Variants in SCOC observed in about 807,000 individuals in gnomAD.
SCOC encodes the protein short coiled coil protein.
In SCOC, 7 loss-of-function variants were observed where a neutral mutation model predicts 9.9. The ratio of observed to expected loss-of-function variants is 0.71; its 90% confidence interval spans 0.40 to 1.33. SCOC has a LOEUF of 1.33. Ranked by LOEUF, SCOC falls within the 40% of genes most tolerant of loss-of-function variation. The pLI, the probability that SCOC is intolerant of heterozygous loss-of-function variation, is 0.01. For synonymous variants in SCOC, 19 were observed against 28.2 expected, an observed-to-expected ratio of 0.67 and a Z score of 1.03; for missense variants, 66 against 89.7, an observed-to-expected ratio of 0.74 and a Z score of 1.07.
intron 1 of SCOC, among the ~76,000 whole-genome samples, chr4:140,277,988 C>T (rs184795012): frequency 6.6e-6 from 1 of 152,342 alleles, no homozygotes; most frequent in Admixed American, 6.5e-5. Context: ...AAGCTTGAAA[C>T]ATTTGCAGTT....
chr4:140,278,877 A>C, intron 1 of SCOC, among the ~76,000 whole-genome samples: 2 of 118,294 alleles, frequency 1.7e-5, no homozygotes, highest in Non-Finnish European at 1.7e-5. Flanking sequence ...CCCCAACCCC[A>C]TCTGTTCTTC....
intron 2 of SCOC, chr4:140,366,652 T>C (rs1247417969): frequency 6.2e-7 from 1 of 1,602,970 alleles, no homozygotes; most frequent in South Asian, 1.1e-5. Flanking sequence ...GACATACTTC[T>C]GGTGGGCTCT....
intron 2 of SCOC, chr4:140,366,788 C>T (rs1025996415): frequency 7.5e-6 from 10 of 1,327,160 alleles, no homozygotes; most frequent in Non-Finnish European, 1.1e-5. Context: ...ACAGTTGCAA[C>T]CAATTTTCTG....
At chr4:140,302,069 A>G in intron 1 of SCOC, among the ~76,000 whole-genome samples, 1 of 152,182 alleles carries the variant, frequency 6.6e-6, no homozygotes, top group South Asian at 2.1e-4. Flanking sequence ...CCTGGGCTCA[A>G]GTGATTGGCC....
chr4:140,267,533 G>T (rs2126396341), intron 1 of SCOC, among the ~76,000 whole-genome samples: 2 of 152,280 alleles, frequency 1.3e-5, no homozygotes, highest in Middle Eastern at 6.8e-3. Context: ...GCTTTTCTAA[G>T]ATCGGAGGAT....
chr4:140,264,793 T>G (rs533660460), intron 1 of SCOC, among the ~76,000 whole-genome samples: 16 of 152,342 alleles, frequency 1.1e-4, no homozygotes, highest in Non-Finnish European at 1.9e-4. Context: ...TGCATTGTTT[T>G]CACATACACT....
At chr4:140,353,818 C>T (rs1224360065) in intron 2 of SCOC, among the ~76,000 whole-genome samples, 1 of 152,208 alleles carries the variant, frequency 6.6e-6, no homozygotes, top group African/African-American at 2.4e-5. Context: ...CCTGGGTCTT[C>T]CCTCCACCAG....
chr4:140,361,230 T>G (rs1406293459), intron 2 of SCOC, among the ~76,000 whole-genome samples: 9 of 464 alleles, frequency 0.019, no homozygotes, highest in Non-Finnish European at 0.022. Context: ...GGCAGTGGGT[T>G]TTTTTTTTTT....
chr4:140,280,969 C>T (rs548829921), intron 1 of SCOC, among the ~76,000 whole-genome samples: 12 of 152,270 alleles, frequency 7.9e-5, no homozygotes, highest in African/African-American at 2.9e-4. Flanking sequence ...TATATTGCTA[C>T]AAAAGTTACT....
intron 1 of SCOC, among the ~76,000 whole-genome samples, chr4:140,317,516 G>A (rs909370081): frequency 1.3e-5 from 2 of 151,874 alleles, no homozygotes; most frequent in African/African-American, 2.4e-5. Flanking sequence ...CCTCTCTTGC[G>A]GACCCCCTTA....
chr4:140,262,603 G>A (rs1001673818), intron 1 of SCOC, among the ~76,000 whole-genome samples: 14 of 152,182 alleles, frequency 9.2e-5, no homozygotes, highest in Admixed American at 3.3e-4. Flanking sequence ...GGAAAGCGAG[G>A]TGGGGGAAGA....
At chr4:140,366,431 G>C (rs1206830769) in intron 2 of SCOC, 2 of 1,438,926 alleles carry the variant, frequency 1.4e-6, no homozygotes, top group African/African-American at 2.8e-5. Flanking sequence ...AGCACGCTTC[G>C]CAGCAGGTGC....
chr4:140,257,808 T>C (rs139765191), intron 1 of SCOC, among the ~76,000 whole-genome samples: 353 of 152,318 alleles, frequency 2.3e-3, no homozygotes, highest in Non-Finnish European at 4.1e-3. Flanking sequence ...CCCGTTTCCA[T>C]GTGGCAGCCT....
At chr4:140,355,882 A>G (rs745747131) in intron 2 of SCOC, among the ~76,000 whole-genome samples, 15 of 152,200 alleles carry the variant, frequency 9.9e-5, no homozygotes, top group Non-Finnish European at 4.4e-5. Flanking sequence ...TTTTCATGTT[A>G]TATTTATGCA....
upstream of SCOC, among the ~76,000 whole-genome samples, chr4:140,340,309 G>C (rs1386649148): frequency 6.6e-6 from 1 of 152,028 alleles, no homozygotes; most frequent in South Asian, 2.1e-4. Flanking sequence ...GTGGGGTGGG[G>C]GGATGGGGGA....
intron 1 of SCOC, among the ~76,000 whole-genome samples, chr4:140,292,254 T>A (rs1731498801): frequency 6.6e-6 from 1 of 151,374 alleles, no homozygotes; most frequent in Admixed American, 6.6e-5. Flanking sequence ...AGTAGCATGA[T>A]CTTGGCTCAC....
At chr4:140,301,411 TAA>T (rs60318149) in intron 1 of SCOC, among the ~76,000 whole-genome samples, 16,544 of 152,136 alleles carry the variant, frequency 0.11, 1,024 homozygotes, top group Middle Eastern at 0.18. Context: ...GTACAAATAT[TAA>T]TTCCAACACA....
intron 1 of SCOC, among the ~76,000 whole-genome samples, chr4:140,337,673 C>G (rs1198890858): frequency 6.6e-6 from 1 of 152,164 alleles, no homozygotes; most frequent in Non-Finnish European, 1.5e-5. Context: ...CTATAAACAC[C>G]TCTATGCAAA....
In SCOC at chr4:140,380,963, T is replaced by C. The variant is rs2126604247; in HGVS notation, c.108T>C (p.Asp36=). ...TGGGCATTTTTATTTTTTATATAGA[T>C]CTCTCTGCAAGAGTAGATGCAGTTA... is the stretch of plus-strand genomic sequence containing the variant. ...QVLELQHTLE[D]LSARVDAVKE... is the part of the protein sequence containing the mutation. Residue 36 remains aspartate (D), a splice_region_variant and synonymous_variant, in exon 4 of 4, where the codon GAT becomes GAC. Coordinates refer to ENST00000608372, the MANE Select transcript of SCOC (RefSeq NM_001153484.2). 1.3e-6 allele frequency: 2 copies of C among 1,555,278 alleles called. No individual in the cohort carries two copies. Among genetic ancestry groups the C allele is most frequent in the East Asian group, 4.6e-5 (2 of 43,388 alleles).
Sources: allele counts gnomAD v4.1 joint callset (sites outside exome capture counted in the v4.1 genomes callset), GRCh38; gene constraint gnomAD v4.1.1; transcripts MANE v1.5; gene names NCBI Gene and HGNC (gene_info 2026-07-23, HGNC 2026-07-21).